The following GLCE variants were observed in gnomAD, a reference collection of about 807,000 sequenced individuals.
GLCE encodes the protein D-glucuronyl C5-epimerase.
GLCE carries 19 observed loss-of-function variants against 47.9 expected under a neutral mutation model. The ratio of observed to expected loss-of-function variants is 0.40; its 90% CI spans 0.28 to 0.58. The LOEUF is 0.58. GLCE is among the 20% of genes least tolerant of loss of function. GLCE has a pLI of 0.48. For synonymous variants in GLCE, 245 were observed against 263.4 expected, an observed-to-expected ratio of 0.93 and a Z score of 0.68; for missense variants, 556 against 743.3, an observed-to-expected ratio of 0.75 and a Z score of 2.93.
intron 2 of GLCE, among the ~76,000 whole-genome samples, chr15:69,225,920 C>T (rs1419409744): frequency 6.6e-6 from 1 of 152,162 alleles, no homozygotes; most frequent in Non-Finnish European, 1.5e-5. Context: ...AGCCTACATC[C>T]TTAACTTCTA....
chr15:69,212,333 C>T lies in GLCE; in HGVS notation c.-14+1927C>T, dbSNP rs1365915857. 4.0e-5 allele frequency among the ~76,000 whole-genome samples: 6 copies of T among 151,678 alleles called. No homozygotes were observed. In the East Asian group the frequency reaches 7.7e-4, roughly 20 times the overall value. ...TTTTTTAATTTCCCTGATTTGTGTT[C>T]TAGTTGTGGTACTTAAAAGTAAAAC... is the stretch of plus-strand genomic sequence containing the variant. On this transcript the variant is annotated intron_variant, in intron 2 of 4. Transcript: ENST00000261858.
chr15:69,222,739 A>G (rs1011763409), intron 2 of GLCE, among the ~76,000 whole-genome samples: 9 of 152,202 alleles, frequency 5.9e-5, no homozygotes, highest in African/African-American at 1.9e-4. Flanking sequence ...GGCTATGACT[A>G]GTCAGCCATC....
intron 2 of GLCE, among the ~76,000 whole-genome samples, chr15:69,252,672 T>C (rs779319602): frequency 2.0e-5 from 3 of 152,056 alleles, no homozygotes; most frequent in Non-Finnish European, 2.9e-5. Context: ...TTCTCAAAGA[T>C]AGGATAAAAA....
intron 1 of GLCE, among the ~76,000 whole-genome samples, chr15:69,192,327 G>A (rs907287960): frequency 2.0e-5 from 3 of 151,718 alleles, no homozygotes; most frequent in Non-Finnish European, 4.4e-5. Flanking sequence ...TTCTTTTGTA[G>A]TGGCTAATCT....
chr15:69,186,292 A>G (rs1367815321), intron 1 of GLCE, among the ~76,000 whole-genome samples: 2 of 152,130 alleles, frequency 1.3e-5, no homozygotes, highest in Non-Finnish European at 2.9e-5. Context: ...AGAGCCGATA[A>G]AAGGAGAAGA....
intron 2 of GLCE, among the ~76,000 whole-genome samples, chr15:69,253,423 A>T (rs2052877312): frequency 6.6e-6 from 1 of 152,222 alleles, no homozygotes; most frequent in South Asian, 2.1e-4. Flanking sequence ...CCAAAATCAG[A>T]CTATCTTCAA....
chr15:69,176,229 T>TTTG (rs1258493767), intron 1 of GLCE, among the ~76,000 whole-genome samples: 4 of 138,706 alleles, frequency 2.9e-5, no homozygotes, highest in African/African-American at 5.3e-5. Flanking sequence ...TTTTTTTTTT[T>TTTG]TTTTTTTTTT....
Position 69,256,149 on chromosome 15 carries a change from C to G in GLCE, c.343C>G (p.His115Asp). The stretch of plus-strand genomic sequence containing the variant: ...AATTGACTGTCTCATAAATGATGAA[C>G]ACACAATTAAAGGGAGACGAGAGGG... Reference protein sequence around the residue: ...EEIDCLINDEHTIKGRREGNE... With the variant: ...EEIDCLINDEDTIKGRREGNE... The change falls in exon 3 of 5, where the codon CAC (histidine) becomes GAC (aspartate). Residue 115 changes from histidine to aspartate, a missense_variant. By Grantham distance (81) the His-to-Asp change is moderately conservative. Transcript: ENST00000261858. The G allele has an allele frequency of 6.2e-7, 1 of 1,613,898 alleles. No homozygotes were observed. Among genetic ancestry groups the G allele is most frequent in the Non-Finnish European group, 8.5e-7 (1 of 1,179,840 alleles).
chr15:69,206,753 G>A (rs979361681), intron 1 of GLCE, among the ~76,000 whole-genome samples: 2 of 151,820 alleles, frequency 1.3e-5, no homozygotes, highest in African/African-American at 4.8e-5. Flanking sequence ...TCCACCAGGA[G>A]CCCTGGTTTC....
At position 69,268,509 on chromosome 15, in the gene GLCE, C is replaced by T. The variant is rs769441248; in HGVS notation, c.1119C>T (p.Thr373=). The T allele has an allele frequency of 3.0e-5, 49 of 1,614,032 alleles. No individual in the cohort carries two copies. The highest frequency in any genetic ancestry group is 1.6e-4 in the Middle Eastern group (1 of 6,084). ...GLSNTKAVKP[T]KIMPKKVVRL... ...CAAACACAAAAGCTGTCAAGCCAAC[C>T]AAAATAATGCCCAAGAAGGTGGTTA... Residue 373 remains threonine, a synonymous_variant, in exon 5 of 5, where the codon ACC becomes ACT. Coordinates refer to ENST00000261858, the MANE Select transcript of GLCE (RefSeq NM_015554.3).
chr15:69,180,175 T>C lies in GLCE; in HGVS notation c.-105+19418T>C, dbSNP rs1481763543. ...TAACCAGATGTATAAAATAAGAAAGTTGAGAGAAAGATTTTTTTAGTGGTC... is the reference window on the plus strand; with the variant it reads ...TAACCAGATGTATAAAATAAGAAAGCTGAGAGAAAGATTTTTTTAGTGGTC... On this transcript the variant is annotated intron_variant, in intron 1 of 4. Transcript: ENST00000261858. Among the ~76,000 whole-genome samples, 3 of 152,102 alleles carry C rather than the reference T, an allele frequency of 2.0e-5. No homozygotes were observed. In the East Asian group the frequency reaches 5.8e-4, roughly 29 times the overall value.
At chr15:69,231,526 G>A (rs995527230) in intron 2 of GLCE, among the ~76,000 whole-genome samples, 1 of 151,526 alleles carries the variant, frequency 6.6e-6, no homozygotes, top group African/African-American at 2.4e-5. Flanking sequence ...CTCGTGATCC[G>A]CCTGCCTCAG....
At chr15:69,256,453 A>G (rs1056610733) in intron 3 of GLCE, 61 bp downstream of exon 3, 1 of 1,118,010 alleles carries the variant, frequency 8.9e-7, no homozygotes, top group African/African-American at 1.5e-5. Flanking sequence ...GAATAAGAAA[A>G]TGTTGTTAAT....
At chr15:69,164,093 C>G (rs2051465242) in intron 1 of GLCE, among the ~76,000 whole-genome samples, 1 of 150,560 alleles carries the variant, frequency 6.6e-6, no homozygotes, top group African/African-American at 2.4e-5. Flanking sequence ...TTTAGATTTC[C>G]TAGAGGAGAA....
intron 2 of GLCE, among the ~76,000 whole-genome samples, chr15:69,233,703 G>A (rs1424594849): frequency 2.0e-5 from 3 of 152,162 alleles, no homozygotes; most frequent in African/African-American, 7.2e-5. Context: ...CTATTAGACT[G>A]TTTAGGGACC....
chr15:69,238,716 A>C (rs917674168), intron 2 of GLCE, among the ~76,000 whole-genome samples: 6 of 152,222 alleles, frequency 3.9e-5, no homozygotes, highest in African/African-American at 1.4e-4. Context: ...GTTGCCATAC[A>C]GGTAACAAAA....
rs151156123 is a variant in GLCE, at chr15:69,231,985, G to A, written c.-14+21579G>A. ...TTTTTATATTTTTAGTAGAGACAGG[G>A]TTTCACCATATTGGCCAGGCTGGTC... is the stretch of plus-strand genomic sequence containing the variant. On this transcript the variant is annotated intron_variant, in intron 2 of 4. Transcript: ENST00000261858. 5.7e-4 allele frequency among the ~76,000 whole-genome samples: 87 copies of A among 152,052 alleles called. 1 individual carries two copies. Among genetic ancestry groups the A allele is most frequent in the Admixed American group, 3.7e-3 (56 of 15,262 alleles).
intron 2 of GLCE, among the ~76,000 whole-genome samples, chr15:69,221,619 T>G (rs2052378157): frequency 6.6e-6 from 1 of 151,970 alleles, no homozygotes; most frequent in African/African-American, 2.4e-5. Flanking sequence ...TCCCAGCACT[T>G]TGGGAGGCTG....
At chr15:69,194,419 CT>C (rs1457461894) in intron 1 of GLCE, 1 of 152,132 alleles carries the variant, frequency 6.6e-6, no homozygotes, top group Non-Finnish European at 1.5e-5. Flanking sequence ...AAAGGAATCT[CT>C]TTTCTCTCTT....
Sources: allele counts gnomAD v4.1 joint callset (sites outside exome capture counted in the v4.1 genomes callset), GRCh38; gene constraint gnomAD v4.1.1; transcripts MANE v1.5; gene names NCBI Gene and HGNC (gene_info 2026-07-23, HGNC 2026-07-21).